Variants in TNR observed in about 807,000 individuals in gnomAD.
TNR encodes the protein tenascin-R.
In TNR, 45 loss-of-function variants were observed where a neutral mutation model predicts 150.4. The observed-to-expected ratio is 0.30, with a 90% confidence interval of 0.24 to 0.38. TNR has a LOEUF of 0.38. TNR is among the 10% of genes least tolerant of loss of function. TNR has a pLI of 1.00. For synonymous variants in TNR, 687 were observed against 678.4 expected (o/e 1.01, Z -0.20); for missense variants, 1,544 against 1,759.1 (o/e 0.88, Z 2.19).
chr1:175,425,197 A>G (rs556237514), intron 2 of TNR, among the ~76,000 whole-genome samples: 16 of 152,298 alleles, frequency 1.1e-4, no homozygotes, highest in African/African-American at 3.8e-4. Flanking sequence ...GATTAGCACT[A>G]CTAGGGTCAG....
chr1:175,614,475 C>T (rs1463191986), intron 1 of TNR, among the ~76,000 whole-genome samples: 1 of 152,228 alleles, frequency 6.6e-6, no homozygotes, highest in African/African-American at 2.4e-5. Context: ...TGCTCTGTCT[C>T]ACCTCTTACC....
chr1:175,535,075 T>C (rs968213535), intron 1 of TNR, among the ~76,000 whole-genome samples: 1 of 152,170 alleles, frequency 6.6e-6, no homozygotes, highest in African/African-American at 2.4e-5. Flanking sequence ...TACCCAGTCT[T>C]GGGTATTTAT....
chr1:175,724,422 A>G (rs973642882), intron 1 of TNR, among the ~76,000 whole-genome samples: 1 of 152,188 alleles, frequency 6.6e-6, no homozygotes, highest in African/African-American at 2.4e-5. Context: ...TGATGACAGT[A>G]CCAAGGGGGA....
At chr1:175,654,461 G>T (rs1196990514) in intron 1 of TNR, among the ~76,000 whole-genome samples, 1 of 152,134 alleles carries the variant, frequency 6.6e-6, no homozygotes, top group African/African-American at 2.4e-5. Flanking sequence ...GTAACATCGC[G>T]CTCTCCCATG....
rs772371187 is a variant in TNR, at chr1:175,330,383, A to G, written c.3632-148T>C. ...TGCTCTTGGTGCTTCACAGGTTGTT[A>G]TCAAATGGACCCTGCCAGACTGAAT... is the stretch of plus-strand genomic sequence containing the variant. On this transcript the variant is annotated intron_variant, in intron 20 of 22. Coordinates refer to ENST00000367674, the MANE Select transcript of TNR (RefSeq NM_003285.3). The G allele has an allele frequency of 2.3e-4, 184 of 810,830 alleles. 1 individual carries two copies. The highest frequency in any genetic ancestry group is 2.9e-4 in the South Asian group (11 of 37,990). The allele number at this position is 810,830 out of a possible 1,614,324, so 50.2% of individuals were successfully genotyped here.
chr1:175,445,565 C>G (rs904986422), intron 2 of TNR, among the ~76,000 whole-genome samples: 3 of 152,162 alleles, frequency 2.0e-5, no homozygotes, highest in Admixed American at 1.3e-4. Context: ...GCATAACCTG[C>G]TAAGGTTTAC....
intron 20 of TNR, among the ~76,000 whole-genome samples, chr1:175,334,199 C>G (rs974725447): frequency 6.6e-6 from 1 of 152,212 alleles, no homozygotes; most frequent in African/African-American, 2.4e-5. Context: ...TGAGAGAAAT[C>G]TAACATGGCT....
At position 175,318,793 on chromosome 1, in the gene TNR, G is replaced by C. The variant is rs140309872; in HGVS notation, c.*4564C>G. On this transcript the variant is annotated 3_prime_UTR_variant, in exon 23 of 23. Transcript: ENST00000367674. ...ACCATCAGGGAAGTGAGGCAGAGCT[G>C]AGTATGCAGCTCCTGGCATCTGGGT... is the stretch of plus-strand genomic sequence containing the variant. The C allele has an allele frequency of 6.6e-6, 1 of 152,334 alleles. No homozygotes were observed. Among genetic ancestry groups the C allele is most frequent in the Non-Finnish European group, 1.5e-5 (1 of 68,056 alleles). The allele number at this position is 152,334 out of a possible 1,614,324, so 9.4% of individuals were successfully genotyped here.
At chr1:175,331,051 T>TTCCTTC (rs1553203320) in intron 20 of TNR, among the ~76,000 whole-genome samples, 7 of 106,764 alleles carry the variant, frequency 6.6e-5, no homozygotes, top group Admixed American at 4.2e-4. Flanking sequence ...CTTTCTTTCT[T>TTCCTTC]TCTTTCTTTC....
rs754333098 is a variant in TNR, at chr1:175,417,075, G to GAAAGAAAGAAAGAA, written c.-63-10299_-63-10298insTTCTTTCTTTCTTT. On this transcript the variant is annotated intron_variant, in intron 2 of 22. Transcript: ENST00000367674. ...AGAAAGAAAGAAAGAAAGAAAGAAA[G>GAAAGAAAGAAAGAA]AAATCTAAGAAGTGGTCTCTTCCCT... Among the ~76,000 whole-genome samples the GAAAGAAAGAAAGAA allele has an allele frequency of 3.2e-3, 439 of 138,270 alleles. 6 individuals carry two copies. The highest frequency in any genetic ancestry group is 0.011 in the Middle Eastern group (3 of 274). 90.7% of individuals were successfully genotyped at this position (138,270 alleles called of 152,430 possible).
intron 18 of TNR, among the ~76,000 whole-genome samples, chr1:175,353,775 GA>G (rs767751357): frequency 5.3e-5 from 8 of 152,194 alleles, no homozygotes; most frequent in Non-Finnish European, 1.2e-4. Flanking sequence ...AGGAGGAAGA[GA>G]AAGATAAACT....
chr1:175,438,225 T>C (rs1468948240), intron 2 of TNR, among the ~76,000 whole-genome samples: 1 of 152,126 alleles, frequency 6.6e-6, no homozygotes, highest in Admixed American at 6.5e-5. Context: ...TGGTTCAACA[T>C]ATGCAAATCA....
chr1:175,559,083 A>C (rs1661308712), intron 1 of TNR, among the ~76,000 whole-genome samples: 1 of 152,224 alleles, frequency 6.6e-6, no homozygotes, highest in Admixed American at 6.5e-5. Flanking sequence ...AACCACTCTG[A>C]AAACTAAAAA....
At chr1:175,467,990 T>C (rs1307963868) in intron 2 of TNR, among the ~76,000 whole-genome samples, 1 of 152,106 alleles carries the variant, frequency 6.6e-6, no homozygotes, top group East Asian at 1.9e-4. Context: ...GCAAATTAGA[T>C]AGAAGTTTGT....
intron 1 of TNR, among the ~76,000 whole-genome samples, chr1:175,685,024 C>T (rs966951603): frequency 6.6e-6 from 1 of 152,088 alleles, no homozygotes; most frequent in African/African-American, 2.4e-5. Context: ...ATCAAGGGGG[C>T]TTGGTTCTTC....
chr1:175,459,128 G>A (rs1656704520), intron 2 of TNR, among the ~76,000 whole-genome samples: 1 of 150,470 alleles, frequency 6.6e-6, no homozygotes, highest in Non-Finnish European at 1.5e-5. Context: ...CATCCCTTCT[G>A]CCATCACTAC....
chr1:175,453,921 T>C lies in TNR; in HGVS notation c.-63-47144A>G, dbSNP rs375807902. On this transcript the variant is annotated intron_variant, in intron 2 of 22. Transcript: ENST00000367674. Reference sequence around the variant, plus strand: ...GTGAAACATTTTCATTTTAGCCATATTTCACCTTTATGAAAAGGTCAGCCA... The same window carrying C: ...GTGAAACATTTTCATTTTAGCCATACTTCACCTTTATGAAAAGGTCAGCCA... 2.6e-5 allele frequency among the ~76,000 whole-genome samples: 4 copies of C among 152,276 alleles called. No individual in the cohort carries two copies. The South Asian group carries it at 8.3e-4, about 32-fold the overall frequency.
intron 1 of TNR, among the ~76,000 whole-genome samples, chr1:175,672,820 C>T (rs1396978088): frequency 6.6e-6 from 1 of 152,152 alleles, no homozygotes; most frequent in Admixed American, 6.5e-5. Context: ...CATTCATATT[C>T]CCTTTTCAAT....
At chr1:175,474,055 G>A (rs1161049161) in intron 2 of TNR, among the ~76,000 whole-genome samples, 1 of 152,076 alleles carries the variant, frequency 6.6e-6, no homozygotes, top group Non-Finnish European at 1.5e-5. Flanking sequence ...CATGTTACTG[G>A]CGGATATATT....
Sources: gnomAD v4.1 joint callset for allele counts (sites outside exome capture counted in the v4.1 genomes callset) on GRCh38, gnomAD v4.1.1 for gene constraint, MANE v1.5 for transcripts, NCBI Gene and HGNC (gene_info 2026-07-23, HGNC 2026-07-21) for gene names.